Variants in SYT1 observed in about 807,000 individuals in gnomAD.
The protein encoded by SYT1 is synaptotagmin 1.
In SYT1, 8 loss-of-function variants were observed where a neutral mutation model predicts 44.8. The ratio of observed to expected loss-of-function variants is 0.18; its 90% CI spans 0.10 to 0.32. The LOEUF is 0.32. Ranked by LOEUF, SYT1 falls within the 10% of genes least tolerant of loss-of-function variation. The probability of loss-of-function intolerance (pLI) is 1.00; values close to 1 mark genes in which losing one functional copy is unlikely to be tolerated. For missense variants in SYT1, 286 were observed against 509.3 expected (o/e 0.56, Z 4.22); for synonymous variants, 154 against 188.8 (o/e 0.82, Z 1.51).
intron 4 of SYT1, among the ~76,000 whole-genome samples, chr12:79,268,923 A>T (rs1878272071): frequency 6.6e-6 from 1 of 152,160 alleles, no homozygotes; most frequent in Admixed American, 6.5e-5. Context: ...CAAAGGAAAG[A>T]AAGGAAGGAA....
chr12:79,214,730 A>C (rs1592859769), intron 3 of SYT1, among the ~76,000 whole-genome samples: 1 of 152,190 alleles, frequency 6.6e-6, no homozygotes, highest in African/African-American at 2.4e-5. Flanking sequence ...ATAGTTGAGC[A>C]ATATACCTTT....
chr12:79,039,830 A>T (rs1465438536), intron 2 of SYT1, among the ~76,000 whole-genome samples: 2 of 129,548 alleles, frequency 1.5e-5, no homozygotes, highest in Non-Finnish European at 3.1e-5. Flanking sequence ...TGTCCATGTG[A>T]TCTCATTGTT....
chr12:79,315,639 T>C (rs1385849400), intron 8 of SYT1, among the ~76,000 whole-genome samples: 1 of 152,152 alleles, frequency 6.6e-6, no homozygotes, highest in East Asian at 1.9e-4. Flanking sequence ...GTTTCAAAAG[T>C]TTTGGGATAT....
At chr12:79,273,965 T>A (rs181699424) in intron 4 of SYT1, among the ~76,000 whole-genome samples, 1 of 152,238 alleles carries the variant, frequency 6.6e-6, no homozygotes, top group African/African-American at 2.4e-5. Context: ...GCACTGGTAG[T>A]CCCAGCTACT....
At chr12:79,434,159 A>AATG (rs2136184575) in intron 9 of SYT1, among the ~76,000 whole-genome samples, 1 of 152,332 alleles carries the variant, frequency 6.6e-6, no homozygotes, top group East Asian at 1.9e-4. Context: ...TTAATGAACT[A>AATG]AATCAGCCTT....
chr12:79,248,073 G>C (rs1876959527), intron 4 of SYT1, among the ~76,000 whole-genome samples: 1 of 152,202 alleles, frequency 6.6e-6, no homozygotes, highest in Admixed American at 6.5e-5. Flanking sequence ...ATTTGACCCA[G>C]TTGGCACAGT....
At chr12:79,232,019 C>T (rs942374175) in intron 4 of SYT1, among the ~76,000 whole-genome samples, 2 of 152,170 alleles carry the variant, frequency 1.3e-5, no homozygotes, top group Non-Finnish European at 2.9e-5. Flanking sequence ...GTTCAAAATT[C>T]TGACTCTACC....
intron 8 of SYT1, among the ~76,000 whole-genome samples, chr12:79,310,285 A>G (rs1592953397): frequency 6.6e-6 from 1 of 152,206 alleles, no homozygotes; most frequent in African/African-American, 2.4e-5. Flanking sequence ...TCCTTTCCCA[A>G]TTGCTTCTTT....
chr12:79,086,778 A>T (rs1877410625), intron 3 of SYT1, among the ~76,000 whole-genome samples: 1 of 152,146 alleles, frequency 6.6e-6, no homozygotes, highest in Non-Finnish European at 1.5e-5. Context: ...ATGACATGTG[A>T]TGTGGGGTTT....
chr12:79,228,514 C>G (rs1344821872), intron 4 of SYT1, among the ~76,000 whole-genome samples: 1 of 152,080 alleles, frequency 6.6e-6, no homozygotes, highest in East Asian at 1.9e-4. Flanking sequence ...CTCCTTTCTT[C>G]CTCTTCTTTC....
intron 3 of SYT1, among the ~76,000 whole-genome samples, chr12:79,196,936 T>C (rs1252308650): frequency 6.6e-6 from 1 of 152,224 alleles, no homozygotes; most frequent in Non-Finnish European, 1.5e-5. Context: ...CTTCTGCAGA[T>C]AGGCGATGTT....
In SYT1 at chr12:78,941,233, T is replaced by C. The variant is rs892202128; in HGVS notation, c.-216-36566T>C. On this transcript the variant is annotated intron_variant, in intron 1 of 10. Transcript: ENST00000261205. The stretch of plus-strand genomic sequence containing the variant: ...GATTACAGGCGCCTGCCACCACGCC[T>C]GGCTAAGTTTTTATATTTTTAGTAG... Among the ~76,000 whole-genome samples the C allele has an allele frequency of 4.6e-5, 7 of 151,310 alleles. No homozygotes were observed. In the East Asian group the frequency reaches 1.4e-3, roughly 30 times the overall value.
intron 3 of SYT1, among the ~76,000 whole-genome samples, chr12:79,206,423 C>T (rs150201025): frequency 6.6e-6 from 1 of 152,234 alleles, no homozygotes; most frequent in Admixed American, 6.5e-5. Context: ...GGAATAATAA[C>T]TGTGTTGAGC....
chr12:79,332,497 A>G (rs1398005633), intron 8 of SYT1, among the ~76,000 whole-genome samples: 1 of 152,226 alleles, frequency 6.6e-6, no homozygotes, highest in Non-Finnish European at 1.5e-5. Context: ...CATGCAATGC[A>G]TTTAAGGCCT....
At chr12:79,153,919 GTC>G (rs1870434434) in intron 3 of SYT1, among the ~76,000 whole-genome samples, 1 of 152,014 alleles carries the variant, frequency 6.6e-6, no homozygotes, top group South Asian at 2.1e-4. Flanking sequence ...TAATAATGTT[GTC>G]TCTATTTTAC....
At chr12:79,386,501 A>T (rs543932390) in intron 9 of SYT1, among the ~76,000 whole-genome samples, 1 of 151,978 alleles carries the variant, frequency 6.6e-6, no homozygotes, top group South Asian at 2.1e-4. Flanking sequence ...TCCCTCTCCT[A>T]GCCCCCCAAC....
At chr12:79,412,048 A>T (rs1868464387) in intron 9 of SYT1, among the ~76,000 whole-genome samples, 4 of 152,186 alleles carry the variant, frequency 2.6e-5, no homozygotes, top group Non-Finnish European at 5.9e-5. Context: ...AAAGTTTATT[A>T]AAAAGCTTTA....
intron 1 of SYT1, among the ~76,000 whole-genome samples, chr12:78,977,013 T>A (rs1023997618): frequency 1.3e-5 from 2 of 151,982 alleles, no homozygotes; most frequent in South Asian, 4.1e-4. Context: ...TTTTTGCAGT[T>A]TTATATCAAA....
At chr12:79,349,613 G>GA (rs1256924328) in intron 8 of SYT1, among the ~76,000 whole-genome samples, 2 of 152,052 alleles carry the variant, frequency 1.3e-5, no homozygotes, top group Non-Finnish European at 2.9e-5. Flanking sequence ...GGCTATTCTA[G>GA]AAAAAAGTAG....
Sources: gnomAD v4.1 joint callset for allele counts (sites outside exome capture counted in the v4.1 genomes callset) on GRCh38, gnomAD v4.1.1 for gene constraint, MANE v1.5 for transcripts, NCBI Gene and HGNC (gene_info 2026-07-23, HGNC 2026-07-21) for gene names.